Variants in BRINP3 observed in about 807,000 individuals in gnomAD.
BRINP3 encodes the protein BMP/retinoic acid-inducible neural-specific protein 3.
BRINP3 carries 19 observed loss-of-function variants against 71.0 expected under a neutral mutation model. That is an observed-to-expected ratio of 0.27 (90% CI 0.19 to 0.39). The LOEUF (loss-of-function observed/expected upper bound fraction) is 0.39, where lower values mean the gene tolerates loss of function less well. BRINP3 is among the 10% of genes least tolerant of loss of function. The pLI is 1.00. For missense variants in BRINP3, 959 were observed against 940.8 expected, an observed-to-expected ratio of 1.02 and a Z score of -0.25; for synonymous variants, 380 against 337.7, an observed-to-expected ratio of 1.13 and a Z score of -1.37.
At chr1:190,132,471 A>G (rs542284552) in intron 7 of BRINP3, among the ~76,000 whole-genome samples, 1 of 152,192 alleles carries the variant, frequency 6.6e-6, no homozygotes, top group African/African-American at 2.4e-5. Context: ...ATTGCATTTT[A>G]AGCTGTTTGT....
intron 2 of BRINP3, among the ~76,000 whole-genome samples, chr1:190,445,802 G>T (rs1675179997): frequency 6.6e-6 from 1 of 152,126 alleles, no homozygotes; most frequent in East Asian, 1.9e-4. Flanking sequence ...TAATGAAAAT[G>T]AAGAATTAGA....
chr1:190,268,653 T>G (rs1661851943), intron 3 of BRINP3, among the ~76,000 whole-genome samples: 1 of 152,070 alleles, frequency 6.6e-6, no homozygotes, highest in Non-Finnish European at 1.5e-5. Flanking sequence ...CAGGTGAAAA[T>G]TCAAAATTTA....
chr1:190,398,090 C>T (rs1344168547), intron 2 of BRINP3, among the ~76,000 whole-genome samples: 1 of 151,906 alleles, frequency 6.6e-6, no homozygotes, highest in Non-Finnish European at 1.5e-5. Context: ...TAAAAGCACA[C>T]AACCACAACC....
intron 2 of BRINP3, chr1:190,302,889 T>C (rs1024994676): frequency 6.6e-6 from 1 of 151,812 alleles, no homozygotes. Context: ...TATATGTCCT[T>C]GTTATAAAAC....
At chr1:190,314,365 T>G (rs952281984) in intron 2 of BRINP3, among the ~76,000 whole-genome samples, 11 of 152,190 alleles carry the variant, frequency 7.2e-5, no homozygotes, top group Non-Finnish European at 1.5e-4. Flanking sequence ...ATGTCTTGGG[T>G]TACGGGACAA....
At chr1:190,178,484 T>G (rs1652749396) in intron 6 of BRINP3, among the ~76,000 whole-genome samples, 1 of 152,150 alleles carries the variant, frequency 6.6e-6, no homozygotes, top group African/African-American at 2.4e-5. Flanking sequence ...TTTTTGCCAG[T>G]CAAAACTTCA....
At chr1:190,131,195 G>T (rs563968077) in intron 7 of BRINP3, among the ~76,000 whole-genome samples, 1 of 121,506 alleles carries the variant, frequency 8.2e-6, no homozygotes, top group African/African-American at 3.0e-5. Flanking sequence ...GGTGGGGGGT[G>T]GGGGGACAGG....
chr1:190,310,102 T>G (rs1162090566), intron 2 of BRINP3, among the ~76,000 whole-genome samples: 2 of 141,160 alleles, frequency 1.4e-5, no homozygotes, highest in Non-Finnish European at 3.0e-5. Flanking sequence ...TTGTGGTTGT[T>G]GTTTTTTTTT....
chr1:190,339,756 A>G (rs935029996), intron 2 of BRINP3, among the ~76,000 whole-genome samples: 2 of 151,922 alleles, frequency 1.3e-5, no homozygotes, highest in Admixed American at 6.6e-5. Context: ...TATTTCTGTT[A>G]TCGTATGGGT....
chr1:190,224,148 T>A (rs796211614), intron 6 of BRINP3, among the ~76,000 whole-genome samples: 1 of 151,572 alleles, frequency 6.6e-6, no homozygotes, highest in Admixed American at 6.6e-5. Flanking sequence ...TTATAAAATA[T>A]GTGCAGGACA....
intron 2 of BRINP3, among the ~76,000 whole-genome samples, chr1:190,342,150 C>T (rs1263186820): frequency 6.6e-6 from 1 of 151,374 alleles, no homozygotes; most frequent in African/African-American, 2.4e-5. Context: ...TTCTGCCTCC[C>T]ATTTCTACTT....
intron 6 of BRINP3, among the ~76,000 whole-genome samples, chr1:190,161,538 A>T (rs1307605740): frequency 6.6e-6 from 1 of 152,052 alleles, no homozygotes; most frequent in Non-Finnish European, 1.5e-5. Context: ...CTAAAAAAAT[A>T]CTGAAAAGAA....
chr1:190,308,881 G>C (rs1665316062), intron 2 of BRINP3, among the ~76,000 whole-genome samples: 1 of 151,850 alleles, frequency 6.6e-6, no homozygotes. Context: ...AAACAGTATG[G>C]CAGTTTGGGG....
At chr1:190,195,337 A>C (rs1454726591) in intron 6 of BRINP3, among the ~76,000 whole-genome samples, 2 of 152,008 alleles carry the variant, frequency 1.3e-5, no homozygotes, top group African/African-American at 4.8e-5. Flanking sequence ...AATTAAAAAG[A>C]GTTTGCTAGT....
chr1:190,157,674 C>G (rs2102447116), intron 7 of BRINP3, among the ~76,000 whole-genome samples: 2 of 152,020 alleles, frequency 1.3e-5, no homozygotes, highest in South Asian at 4.1e-4. Context: ...AGATCTTCAC[C>G]CAGCCACATT....
intron 2 of BRINP3, among the ~76,000 whole-genome samples, chr1:190,448,585 T>C (rs1224101564): frequency 6.6e-6 from 1 of 151,674 alleles, no homozygotes; most frequent in Non-Finnish European, 1.5e-5. Flanking sequence ...CTATGTATAA[T>C]TTACTATTCA....
intron 5 of BRINP3, among the ~76,000 whole-genome samples, chr1:190,229,657 C>A (rs1657762812): frequency 6.7e-6 from 1 of 149,852 alleles, no homozygotes; most frequent in African/African-American, 2.5e-5. Flanking sequence ...CACACACACA[C>A]ACACACACAC....
rs775685772 is a variant in BRINP3 at position 190,160,858 on chromosome 1, T to C, written c.994A>G (p.Met332Val). Residue 332 changes from methionine (M) to valine (V), a missense_variant, in exon 7 of 8, where the codon ATG (methionine) becomes GTG (valine). Met to Val is a conservative substitution (Grantham distance 21, BLOSUM62 1). Coordinates refer to ENST00000367462, the MANE Select transcript of BRINP3 (RefSeq NM_199051.3). ...EFKLFMKRLP[M>V]NYFLNTSTIM... ...GTAGATGTGTTGAGGAAATAATTCA[T>C]AGGTAGCCTTTTCATAAATAACTTG... is the stretch of plus-strand genomic sequence containing the variant. The C allele has an allele frequency of 1.3e-5, 21 of 1,606,990 alleles. No individual in the cohort carries two copies. Among genetic ancestry groups the C allele is most frequent in the Admixed American group, 1.7e-5 (1 of 58,300 alleles).
chr1:190,390,411 C>A (rs140298957), intron 2 of BRINP3, among the ~76,000 whole-genome samples: 21 of 151,840 alleles, frequency 1.4e-4, no homozygotes, highest in African/African-American at 4.8e-4. Context: ...AAGAGGGCAA[C>A]CTTCCCCTCT....
Sources: gnomAD v4.1 joint callset for allele counts (sites outside exome capture counted in the v4.1 genomes callset) on GRCh38, gnomAD v4.1.1 for gene constraint, MANE v1.5 for transcripts, NCBI Gene and HGNC (gene_info 2026-07-23, HGNC 2026-07-21) for gene names.